The following SYNPO2 variants were observed in gnomAD, a reference collection of about 807,000 sequenced individuals.
SYNPO2 encodes the protein synaptopodin-2.
Under a neutral mutation model 85.0 loss-of-function variants are expected in SYNPO2, and 56 were observed. The observed-to-expected ratio is 0.66, with a 90% CI of 0.53 to 0.82. SYNPO2 has a LOEUF of 0.82. Among genes scored for constraint, SYNPO2 ranks in the 40% least tolerant of loss-of-function variants. The probability of loss-of-function intolerance (pLI) is 0.00; values close to 1 mark genes in which losing one functional copy is unlikely to be tolerated. For synonymous variants in SYNPO2, 602 were observed against 591.1 expected (o/e 1.02, Z -0.27); for missense variants, 1,575 against 1,534.2 (o/e 1.03, Z -0.44).
intron 4 of SYNPO2, among the ~76,000 whole-genome samples, chr4:119,045,087 T>C (rs909109424): frequency 3.3e-5 from 5 of 152,216 alleles, no homozygotes; most frequent in African/African-American, 9.7e-5. Context: ...GTTGTTAACA[T>C]CATAACTGAT....
At chr4:118,965,931 A>T (rs11934343) in intron 1 of SYNPO2, among the ~76,000 whole-genome samples, 22 of 56,418 alleles carry the variant, frequency 3.9e-4, no homozygotes, top group African/African-American at 6.5e-4. Flanking sequence ...GATTTTTTTT[A>T]AAAAAAATTA....
chr4:118,928,630 T>C (rs1308707652), intron 1 of SYNPO2, among the ~76,000 whole-genome samples: 2 of 152,172 alleles, frequency 1.3e-5, no homozygotes, highest in African/African-American at 4.8e-5. Context: ...CCCATGCAGA[T>C]ACAAAAAGAT....
chr4:119,038,457 T>C (rs912334204), intron 4 of SYNPO2: 26 of 985,268 alleles, frequency 2.6e-5, no homozygotes, highest in Admixed American at 6.2e-5. Flanking sequence ...GTGTTGTTCG[T>C]TGGCTGGGAA....
intron 1 of SYNPO2, among the ~76,000 whole-genome samples, chr4:118,999,427 T>G (rs1296649534): frequency 6.6e-6 from 1 of 152,130 alleles, no homozygotes; most frequent in East Asian, 1.9e-4. Flanking sequence ...GCTGGAATTA[T>G]AGGCGTGAAC....
chr4:118,951,663 T>C (rs900076944), intron 1 of SYNPO2, among the ~76,000 whole-genome samples: 2 of 152,186 alleles, frequency 1.3e-5, no homozygotes, highest in African/African-American at 2.4e-5. Flanking sequence ...CTAAATTTTA[T>C]AGTAATATAG....
At chr4:119,056,408 T>G (rs1429990571) in intron 4 of SYNPO2, among the ~76,000 whole-genome samples, 2 of 151,522 alleles carry the variant, frequency 1.3e-5, no homozygotes, top group African/African-American at 4.9e-5. Context: ...TTTTAAAAAT[T>G]TAGCCAGGCA....
At position 118,906,387 on chromosome 4, in the gene SYNPO2, C is replaced by T. The variant is rs115321580; in HGVS notation, c.105+17246C>T. Among the ~76,000 whole-genome samples, 752 of 152,230 alleles carry T rather than the reference C, an allele frequency of 4.9e-3. 3 individuals are homozygous for T. The highest frequency in any genetic ancestry group is 0.017 in the African/African-American group (719 of 41,548). On this transcript the variant is annotated intron_variant, in intron 1 of 4. Transcript: ENST00000307142. Reference sequence around the variant, plus strand: ...AACTGAGAATCAGGAGACCTGAATTCGAGGTATGAGTCTAATTTCTCTTAC... The same window carrying T: ...AACTGAGAATCAGGAGACCTGAATTTGAGGTATGAGTCTAATTTCTCTTAC...
At chr4:118,954,338 G>A (rs1389477716) in intron 1 of SYNPO2, among the ~76,000 whole-genome samples, 7 of 150,224 alleles carry the variant, frequency 4.7e-5, no homozygotes, top group South Asian at 2.1e-4. Context: ...TTTTTTTCCA[G>A]TAACTCCAGA....
At chr4:118,864,478 G>A (rs1473206578) in intron 1 of SYNPO2, among the ~76,000 whole-genome samples, 1 of 152,210 alleles carries the variant, frequency 6.6e-6, no homozygotes, top group African/African-American at 2.4e-5. Flanking sequence ...TGCAGATTAA[G>A]TCTGATGTTT....
At chr4:118,854,142 A>G (rs1025699920) in intron 1 of SYNPO2, among the ~76,000 whole-genome samples, 4 of 152,226 alleles carry the variant, frequency 2.6e-5, no homozygotes, top group African/African-American at 7.2e-5. Flanking sequence ...CCATCCAGCA[A>G]TGGAACATAA....
chr4:118,980,634 G>T (rs1255381212), intron 1 of SYNPO2, among the ~76,000 whole-genome samples: 1 of 152,128 alleles, frequency 6.6e-6, no homozygotes, highest in African/African-American at 2.4e-5. Context: ...AAAAGAACTT[G>T]ATTAATAAGT....
chr4:118,927,497 G>T (rs1165356280), intron 1 of SYNPO2, among the ~76,000 whole-genome samples: 2 of 152,078 alleles, frequency 1.3e-5, no homozygotes, highest in Non-Finnish European at 2.9e-5. Context: ...AGTCTAAAGC[G>T]CAAGTCCTCT....
Position 119,031,120 on chromosome 4 carries a change from C to T in SYNPO2, c.2345C>T (p.Pro782Leu), listed in dbSNP as rs778428957. The T allele has an allele frequency of 1.9e-6, 3 of 1,614,104 alleles. No homozygotes were observed. The highest frequency in any genetic ancestry group is 2.5e-6 in the Non-Finnish European group (3 of 1,180,020). The change falls in exon 4 of 5, where the codon CCA becomes CTA. Residue 782 changes from proline (P) to leucine (L), a missense_variant. Coordinates refer to ENST00000307142, the MANE Select transcript of SYNPO2 (RefSeq NM_133477.3). ...ACTCCAGTTTCCCCAGTCTGGTCTC[C>T]AGGAGTGGCTCCCACCCAACCTCCT... is the stretch of plus-strand genomic sequence containing the variant. ...PVTPVSPVWS[P>L]GVAPTQPPAF... is the part of the protein sequence containing the mutation.
At chr4:119,038,162 G>A (rs1037334393) in intron 4 of SYNPO2, 5 of 985,156 alleles carry the variant, frequency 5.1e-6, no homozygotes, top group South Asian at 4.7e-5. Context: ...ATCAGACCCC[G>A]GAATTTCACT....
intron 1 of SYNPO2, among the ~76,000 whole-genome samples, chr4:118,900,663 T>TC (rs1732693991): frequency 1.3e-5 from 1 of 77,542 alleles, no homozygotes. Flanking sequence ...TAGAATCTCT[T>TC]TCTCTCTCTC....
At chr4:119,032,929 T>TTTGCC in intron 4 of SYNPO2, 101 of 905,074 alleles carry the variant, frequency 1.1e-4, no homozygotes, top group Non-Finnish European at 1.2e-4. Context: ...AAAGGTTGAT[T>TTTGCC]CCCACCCTCC....
intron 1 of SYNPO2, among the ~76,000 whole-genome samples, chr4:118,855,879 A>T (rs1026032498): frequency 6.6e-6 from 1 of 152,130 alleles, no homozygotes; most frequent in African/African-American, 2.4e-5. Flanking sequence ...TGCAGGCAGC[A>T]CTCAGATCTC....
chr4:119,027,168 G>C lies in SYNPO2; in HGVS notation c.799G>C (p.Glu267Gln). 1.2e-6 allele frequency: 2 copies of C among 1,614,188 alleles called. No homozygotes were observed. Among genetic ancestry groups the C allele is most frequent in the South Asian group, 1.1e-5 (1 of 91,082 alleles). Reference protein sequence around the residue: ...SKIIQISSGRELRVIQESEAG... With the variant: ...SKIIQISSGRQLRVIQESEAG... Reference sequence around the variant, plus strand: ...GATAATCCAGATCTCCAGTGGCAGAGAGTTGAGAGTGATCCAGGAAAGTGA... The same window carrying C: ...GATAATCCAGATCTCCAGTGGCAGACAGTTGAGAGTGATCCAGGAAAGTGA... Residue 267 changes from glutamate (E) to glutamine (Q), a missense_variant, in exon 3 of 5, where the codon GAG becomes CAG. By Grantham distance (29) the Glu-to-Gln change is conservative (BLOSUM62 2). Transcript: ENST00000307142.
chr4:118,899,096 C>T (rs72671608), intron 1 of SYNPO2, among the ~76,000 whole-genome samples: 1,660 of 152,334 alleles, frequency 0.011, 13 homozygotes, highest in Non-Finnish European at 0.014. Context: ...TGCAGCCTGA[C>T]GCTGAAGCTT....
Sources: allele counts gnomAD v4.1 joint callset (sites outside exome capture counted in the v4.1 genomes callset), GRCh38; gene constraint gnomAD v4.1.1; transcripts MANE v1.5; gene names NCBI Gene and HGNC (gene_info 2026-07-23, HGNC 2026-07-21).